AGO2: variants seen among roughly 807,000 people sequenced by gnomAD.
The protein encoded by AGO2 is argonaute RISC catalytic component 2, also known as protein argonaute-2.
AGO2 carries 5 observed loss-of-function variants against 102.3 expected under a neutral mutation model. The observed-to-expected ratio is 0.05, with a 90% CI of 0.03 to 0.10. The LOEUF (loss-of-function observed/expected upper bound fraction) is 0.10, where lower values mean the gene tolerates loss of function less well. AGO2 is among the 10% of genes least tolerant of loss of function. The pLI is 1.00. For missense variants in AGO2, 541 were observed against 1,183.7 expected, an observed-to-expected ratio of 0.46 and a Z score of 7.97; for synonymous variants, 449 against 473.1, an observed-to-expected ratio of 0.95 and a Z score of 0.66.
intron 1 of AGO2, among the ~76,000 whole-genome samples, chr8:140,628,372 T>C (rs994607924): frequency 2.6e-5 from 4 of 152,218 alleles, no homozygotes; most frequent in Non-Finnish European, 1.5e-5. Flanking sequence ...GCCAGGCACG[T>C]GGAGCTGCAG....
the AGO2 span, among the ~76,000 whole-genome samples, chr8:140,642,226 G>C: frequency 1.3e-5 from 2 of 152,130 alleles, no homozygotes; most frequent in African/African-American, 4.8e-5. Flanking sequence ...GGAGCGGCAC[G>C]GCACTGACAT....
In AGO2 at chr8:140,548,259, T is replaced by C. The variant is rs528330355; in HGVS notation, c.1589-632A>G. 8.5e-5 allele frequency among the ~76,000 whole-genome samples: 12 copies of C among 141,010 alleles called. No individual in the cohort carries two copies. The East Asian group carries it at 2.1e-3, about 24-fold the overall frequency. The allele number at this position is 141,010 out of a possible 152,430, so 92.5% of individuals were successfully genotyped here. A position where few individuals can be genotyped will look rare whatever the true frequency, so the allele number is the denominator to read the frequency against. On this transcript the variant is annotated intron_variant, in intron 12 of 18. Transcript: ENST00000220592. Reference sequence around the variant, plus strand: ...TGAACTCAGGAGGCAGAGATTGCAGTGAGCCAAAATCACACCACTGCACTC... The same window carrying C: ...TGAACTCAGGAGGCAGAGATTGCAGCGAGCCAAAATCACACCACTGCACTC...
intron 1 of AGO2, among the ~76,000 whole-genome samples, chr8:140,613,757 T>G (rs1311394361): frequency 6.6e-6 from 1 of 152,096 alleles, no homozygotes; most frequent in Non-Finnish European, 1.5e-5. Flanking sequence ...AGCTCACACC[T>G]ATAATCCCAG....
chr8:140,537,776 G>A (rs1469897175), intron 16 of AGO2, among the ~76,000 whole-genome samples: 1 of 151,948 alleles, frequency 6.6e-6, no homozygotes, highest in Non-Finnish European at 1.5e-5. Context: ...AAGCTCATTA[G>A]TTGCTGTATC....
intron 1 of AGO2, among the ~76,000 whole-genome samples, chr8:140,628,386 C>T (rs76635146): frequency 0.16 from 24,228 of 151,342 alleles, 2,475 homozygotes; most frequent in Admixed American, 0.31. Context: ...GCTGCAGGCA[C>T]GTGTGTGTGT....
chr8:140,640,118 C>T (rs982738565), upstream of AGO2, among the ~76,000 whole-genome samples: 2 of 152,186 alleles, frequency 1.3e-5, no homozygotes, highest in Non-Finnish European at 2.9e-5. Flanking sequence ...GAGTGATTCT[C>T]CTGCCTCAGC....
Position 140,560,417 on chromosome 8 carries a change from C to T in AGO2, c.612G>A (p.Gln204=), listed in dbSNP as rs768466189. The change falls in exon 5 of 19, where the codon CAG becomes CAA. Residue 204 remains glutamine (Q), a synonymous_variant. Coordinates refer to ENST00000220592, the MANE Select transcript of AGO2 (RefSeq NM_012154.5). The part of the protein sequence containing the change: ...GGREVWFGFH[Q]SVRPSLWKMM... ...TTTTCCAGAGAGAAGGCCGGACGGACTGATGGAAGCCAAACCACACTTCTC... is the reference window on the plus strand; with the variant it reads ...TTTTCCAGAGAGAAGGCCGGACGGATTGATGGAAGCCAAACCACACTTCTC... 32 of 1,614,140 alleles carry T rather than the reference C, an allele frequency of 2.0e-5. No homozygotes were observed. Among genetic ancestry groups the T allele is most frequent in the Non-Finnish European group, 2.7e-5 (32 of 1,180,048 alleles).
rs1029441254 is a variant in AGO2, at chr8:140,557,536, C to A, written c.879-300G>T. Among the ~76,000 whole-genome samples the A allele has an allele frequency of 6.6e-6, 1 of 152,222 alleles. No homozygotes were observed. The highest frequency in any genetic ancestry group is 2.4e-5 in the African/African-American group (1 of 41,452). On this transcript the variant is annotated intron_variant, in intron 7 of 18. Transcript: ENST00000220592. The surrounding 1 kb of genome is among the most constrained non-coding windows in gnomAD (Gnocchi z 5.9). ...GGACGAATGGGCACGACCAGAAAGG[C>A]CTGCGCGTCTTCCAGCAGACCGTGG...
intron 2 of AGO2, among the ~76,000 whole-genome samples, chr8:140,573,654 T>C (rs765645769): frequency 2.6e-4 from 40 of 152,218 alleles, no homozygotes; most frequent in Non-Finnish European, 3.5e-4. Context: ...ATACAGCAGA[T>C]GACAGACACT....
Position 140,540,694 on chromosome 8 carries a change from C to A in AGO2, c.2034+470G>T, listed in dbSNP as rs562305805. 1.0e-3 allele frequency among the ~76,000 whole-genome samples: 154 copies of A among 152,308 alleles called. 1 individual carries two copies. Among genetic ancestry groups the A allele is most frequent in the African/African-American group, 3.6e-3 (149 of 41,562 alleles). ...CATCCAGACAGTGGCCGCGTCCTGG[C>A]GACCCTACCTTCAACAGAGCTGCCA... On this transcript the variant is annotated intron_variant, in intron 15 of 18. Coordinates refer to ENST00000220592, the MANE Select transcript of AGO2 (RefSeq NM_012154.5). This position sits in a 1 kb window ranked among gnomAD's most constrained non-coding sequence, Gnocchi z 5.0.
At chr8:140,634,867 T>A (rs973334301) in intron 1 of AGO2, among the ~76,000 whole-genome samples, 5 of 152,012 alleles carry the variant, frequency 3.3e-5, no homozygotes, top group African/African-American at 9.7e-5. Context: ...TTCCAGACTT[T>A]CCTTGGGAAA....
intron 1 of AGO2, among the ~76,000 whole-genome samples, chr8:140,603,757 G>A (rs1012247121): frequency 2.6e-5 from 4 of 152,244 alleles, no homozygotes; most frequent in Non-Finnish European, 5.9e-5. Context: ...CCAGCCCCAC[G>A]CTGCTGTGGC....
intron 1 of AGO2, among the ~76,000 whole-genome samples, chr8:140,621,961 T>C (rs972704798): frequency 1.3e-5 from 2 of 152,172 alleles, no homozygotes; most frequent in African/African-American, 4.8e-5. Flanking sequence ...GGAAAACTTG[T>C]ACACAAATGC....
chr8:140,597,019 G>A (rs2073855581), intron 1 of AGO2, among the ~76,000 whole-genome samples: 1 of 152,220 alleles, frequency 6.6e-6, no homozygotes, highest in Non-Finnish European at 1.5e-5. Flanking sequence ...ACCGTTGCTG[G>A]TGAACATGTT....
At chr8:140,610,916 A>C (rs545671434) in intron 1 of AGO2, among the ~76,000 whole-genome samples, 8 of 152,392 alleles carry the variant, frequency 5.2e-5, no homozygotes, top group African/African-American at 1.9e-4. Context: ...GGGTGGTTTT[A>C]TTCAAACATG....
intron 10 of AGO2, among the ~76,000 whole-genome samples, chr8:140,553,397 GTT>G (rs1247887588): frequency 1.5e-5 from 2 of 129,682 alleles, no homozygotes; most frequent in Non-Finnish European, 3.1e-5. Flanking sequence ...CAAGTTACAA[GTT>G]TTTTGTTTTT....
Position 140,527,497 on chromosome 8 carries a change from A to G in AGO2, c.*4547T>C, listed in dbSNP as rs1327800067. ...TTTTGAGTCGAAGATTTTCCTCATA[A>G]AAAAGAGTCAGCGTGTGTGTGTGTA... On this transcript the variant is annotated 3_prime_UTR_variant, in exon 19 of 19. Transcript: ENST00000220592. This position sits in a 1 kb window ranked among gnomAD's most constrained non-coding sequence, Gnocchi z 6.0. The G allele has an allele frequency of 2.0e-5, 3 of 153,204 alleles. No homozygotes were observed. Among genetic ancestry groups the G allele is most frequent in the Non-Finnish European group, 4.4e-5 (3 of 68,036 alleles). 9.5% of individuals were successfully genotyped at this position (153,204 alleles called of 1,614,324 possible). A position where few individuals can be genotyped will look rare whatever the true frequency, so the allele number is the denominator to read the frequency against.
At chr8:140,559,147 G>A (rs1329897425) in intron 6 of AGO2, among the ~76,000 whole-genome samples, 1 of 152,190 alleles carries the variant, frequency 6.6e-6, no homozygotes, top group African/African-American at 2.4e-5. Flanking sequence ...CTGAGATCAT[G>A]ACTCAGACGT....
intron 11 of AGO2, 39 bp from the exon 12 acceptor site, chr8:140,549,337 A>C: frequency 1.3e-6 from 2 of 1,543,602 alleles, no homozygotes; most frequent in African/African-American, 2.7e-5. Context: ...GGCACTGGGA[A>C]TGGCAGAGAA....
Sources: allele counts gnomAD v4.1 joint callset (sites outside exome capture counted in the v4.1 genomes callset), GRCh38; gene constraint gnomAD v4.1.1; non-coding constraint Gnocchi (gnomAD v3.1); transcripts MANE v1.5; gene names NCBI Gene and HGNC (gene_info 2026-07-23, HGNC 2026-07-21).